The following MLYCD variants were observed in gnomAD, a reference collection of about 807,000 sequenced individuals.
The protein encoded by MLYCD is malonyl-CoA decarboxylase, also known as malonyl-CoA decarboxylase, mitochondrial.
In MLYCD, 27 loss-of-function variants were observed where a neutral mutation model predicts 35.8. That is an observed-to-expected ratio of 0.75 (90% CI 0.56 to 1.04). MLYCD has a LOEUF of 1.04. Among genes scored for constraint, MLYCD ranks in the 50% least tolerant of loss-of-function variants. The pLI is 0.00. For synonymous variants in MLYCD, 403 were observed against 302.4 expected (o/e 1.33, Z -3.45); for missense variants, 917 against 665.1 (o/e 1.38, Z -4.17).
At chr16:83,913,021 A>T (rs1353206313) in intron 4 of MLYCD, 1 of 163,348 alleles carries the variant, frequency 6.1e-6, no homozygotes, top group East Asian at 1.7e-4. Context: ...ATAAATTCCA[A>T]TGAGTAGAAT....
intron 1 of MLYCD, among the ~76,000 whole-genome samples, chr16:83,904,191 A>G (rs28627678): frequency 0.2 from 30,499 of 152,050 alleles, 3,417 homozygotes; most frequent in African/African-American, 0.3. Flanking sequence ...AGCTTTTTTC[A>G]TATCACGAAT....
At position 83,915,954 on chromosome 16, in the gene MLYCD, A is replaced by G. The variant is rs1394085366; in HGVS notation, c.*465A>G. On this transcript the variant is annotated 3_prime_UTR_variant, in exon 5 of 5. Transcript: ENST00000262430. Reference sequence around the variant, plus strand: ...TGCTTTAGCCGTTTCTCACCATGCAATGCAGAGGGACAAAGGGCTGTGCTA... The same window carrying G: ...TGCTTTAGCCGTTTCTCACCATGCAGTGCAGAGGGACAAAGGGCTGTGCTA... The G allele has an allele frequency of 6.6e-6, 7 of 1,059,222 alleles. No homozygotes were observed. The Admixed American group carries it at 2.9e-4, about 44-fold the overall frequency. 65.6% of individuals were successfully genotyped at this position (1,059,222 alleles called of 1,614,324 possible).
Position 83,919,116 on chromosome 16 carries a change from A to T in MLYCD, c.*3627A>T, listed in dbSNP as rs1247172746. 1 of 150,490 alleles carries T rather than the reference A, an allele frequency of 6.6e-6. No homozygotes were observed. The highest frequency in any genetic ancestry group is 2.5e-5 in the African/African-American group (1 of 40,544). The allele number at this position is 150,490 out of a possible 1,614,324, so 9.3% of individuals were successfully genotyped here. ...CACACAGTGCACAGAACACAGACAC[A>T]GTGCACAGGAGAACACACAGTGCAC... On this transcript the variant is annotated 3_prime_UTR_variant, in exon 5 of 5. Transcript: ENST00000262430.
Position 83,915,320 on chromosome 16 carries a change from A to T in MLYCD, c.1313A>T (p.Asp438Val). 1 of 1,613,890 alleles carries T rather than the reference A, an allele frequency of 6.2e-7. No individual in the cohort carries two copies. The highest frequency in any genetic ancestry group is 1.1e-5 in the South Asian group (1 of 91,080). The change falls in exon 5 of 5, where the codon GAT (aspartate) becomes GTT (valine). Residue 438 changes from aspartate (D) to valine (V), a missense_variant. Physicochemically the swap from Asp to Val is radical, Grantham distance 152. Coordinates refer to ENST00000262430, the MANE Select transcript of MLYCD (RefSeq NM_012213.3). ...AVLWRINWMA[D>V]VSLRGITGSC... ...CTGTGGCGCATCAACTGGATGGCGG[A>T]TGTGAGCCTCAGAGGCATCACCGGC... is the stretch of plus-strand genomic sequence containing the variant.
intron 1 of MLYCD, among the ~76,000 whole-genome samples, chr16:83,904,195 C>A (rs1001942643): frequency 6.6e-6 from 1 of 150,470 alleles, no homozygotes; most frequent in Non-Finnish European, 1.5e-5. Context: ...TTTTTCATAT[C>A]ACGAATGTAA....
At chr16:83,913,419 CA>C (rs1907252810) in intron 4 of MLYCD, 1 of 152,552 alleles carries the variant, frequency 6.6e-6, no homozygotes, top group Admixed American at 6.5e-5. Flanking sequence ...CTTAGCCCAG[CA>C]GCTGTCCTGA....
At position 83,915,988 on chromosome 16, in the gene MLYCD, A is replaced by G. The variant is rs763175756; in HGVS notation, c.*499A>G. ...GACAAAGGGCTGTGCTACACTTCCC[A>G]GTTACATTCTGAAGCTCATAAATGT... On this transcript the variant is annotated 3_prime_UTR_variant, in exon 5 of 5. Coordinates refer to ENST00000262430, the MANE Select transcript of MLYCD (RefSeq NM_012213.3). The G allele has an allele frequency of 1.8e-5, 18 of 1,013,644 alleles. No individual in the cohort carries two copies. Among genetic ancestry groups the G allele is most frequent in the Non-Finnish European group, 2.1e-5 (18 of 845,280 alleles). 62.8% of individuals were successfully genotyped at this position (1,013,644 alleles called of 1,614,324 possible). A position where few individuals can be genotyped will look rare whatever the true frequency, so the allele number is the denominator to read the frequency against.
intron 2 of MLYCD, among the ~76,000 whole-genome samples, chr16:83,907,877 T>G (rs1907037331): frequency 6.6e-6 from 1 of 152,156 alleles, no homozygotes; most frequent in African/African-American, 2.4e-5. Context: ...CCCCGGAGCC[T>G]CACAAACTCC....
At chr16:83,904,439 G>A (rs1330420299) in intron 1 of MLYCD, among the ~76,000 whole-genome samples, 1 of 152,194 alleles carries the variant, frequency 6.6e-6, no homozygotes, top group Non-Finnish European at 1.5e-5. Flanking sequence ...AATTGCTATA[G>A]TCAAATGCAG....
intron 4 of MLYCD, 91 bp from the exon 5 acceptor site, chr16:83,914,865 C>G: frequency 6.5e-7 from 1 of 1,549,086 alleles, no homozygotes; most frequent in Non-Finnish European, 8.9e-7. Flanking sequence ...AGCATGTGAG[C>G]CGTAGGTTAA....
intron 4 of MLYCD, chr16:83,913,294 C>T (rs1907246729): frequency 6.6e-6 from 1 of 152,270 alleles, no homozygotes; most frequent in African/African-American, 2.4e-5. Context: ...CCACAGTTTC[C>T]TCATTCCTCT....
At chr16:83,908,374 CCT>C in intron 3 of MLYCD, 92 bp downstream of exon 3, 1 of 1,407,056 alleles carries the variant, frequency 7.1e-7, no homozygotes, top group Non-Finnish European at 9.5e-7. Context: ...ATTTTATCCT[CCT>C]TTTTTTTTTT....
chr16:83,912,500 A>T (rs1907216732), intron 4 of MLYCD, 133 bp downstream of exon 4: 2 of 1,259,224 alleles, frequency 1.6e-6, no homozygotes, highest in Admixed American at 2.0e-5. Flanking sequence ...GGGGTAGAAA[A>T]GGTGCCAGAG....
Position 83,918,757 on chromosome 16 carries a change from G to GCACACAGTGCACAGAGAAC in MLYCD, c.*3283_*3301dup, listed in dbSNP as rs1296207490. 2 of 132,488 alleles carry GCACACAGTGCACAGAGAAC rather than the reference G, an allele frequency of 1.5e-5. No homozygotes were observed. Among genetic ancestry groups the GCACACAGTGCACAGAGAAC allele is most frequent in the African/African-American group, 2.9e-5 (1 of 34,934 alleles). 8.2% of individuals were successfully genotyped at this position (132,488 alleles called of 1,614,324 possible). A position where few individuals can be genotyped will look rare whatever the true frequency, so the allele number is the denominator to read the frequency against. On this transcript the variant is annotated 3_prime_UTR_variant, in exon 5 of 5. Coordinates refer to ENST00000262430, the MANE Select transcript of MLYCD (RefSeq NM_012213.3). ...CAGAACACAGTGCACAGGAGAACAC[G>GCACACAGTGCACAGAGAAC]CACACAGTGCACAGAGAACCACACA...
Position 83,916,901 on chromosome 16 carries a change from G to C in MLYCD, c.*1412G>C, listed in dbSNP as rs1597296917. On this transcript the variant is annotated 3_prime_UTR_variant, in exon 5 of 5. Transcript: ENST00000262430. ...TCTGTGTGGATCAGTGCACGTCTGT[G>C]TGCGTGTGCACGAGCGTCTCTGTGT... The C allele has an allele frequency of 7.0e-6, 1 of 142,694 alleles. No individual in the cohort carries two copies. The highest frequency in any genetic ancestry group is 2.6e-5 in the African/African-American group (1 of 38,184). The allele number at this position is 142,694 out of a possible 1,614,324, so 8.8% of individuals were successfully genotyped here.
rs1351616410 is a variant in MLYCD, at chr16:83,924,975, C to T, written c.*9486C>T. ...CGGCTTCCGGGAGTCCCCTCCTTCT[C>T]TAAGGATCTCACCCCCATCCGTGTC... On this transcript the variant is annotated 3_prime_UTR_variant, in exon 5 of 5. Coordinates refer to ENST00000262430, the MANE Select transcript of MLYCD (RefSeq NM_012213.3). 1 of 152,368 alleles carries T rather than the reference C, an allele frequency of 6.6e-6. No individual in the cohort carries two copies. Among genetic ancestry groups the T allele is most frequent in the East Asian group, 1.9e-4 (1 of 5,202 alleles). 9.4% of individuals were successfully genotyped at this position (152,368 alleles called of 1,614,324 possible). A position where few individuals can be genotyped will look rare whatever the true frequency, so the allele number is the denominator to read the frequency against.
intron 1 of MLYCD, among the ~76,000 whole-genome samples, chr16:83,903,343 T>A (rs1260374122): frequency 6.6e-6 from 1 of 152,188 alleles, no homozygotes; most frequent in African/African-American, 2.4e-5. Flanking sequence ...TGCTTACCTA[T>A]GCTAAATAAT....
rs1907500463 is a variant in MLYCD, at chr16:83,918,266, A to G, written c.*2777A>G. ...GGTAGGCCTCGCCGCAGGAGAACAC[A>G]TACATGGTGCACAGAACACACACAG... On this transcript the variant is annotated 3_prime_UTR_variant, in exon 5 of 5. Coordinates refer to ENST00000262430, the MANE Select transcript of MLYCD (RefSeq NM_012213.3). The G allele has an allele frequency of 6.6e-6, 1 of 152,256 alleles. No individual in the cohort carries two copies. The highest frequency in any genetic ancestry group is 1.5e-5 in the Non-Finnish European group (1 of 68,058). The allele number at this position is 152,256 out of a possible 1,614,324, so 9.4% of individuals were successfully genotyped here. A position where few individuals can be genotyped will look rare whatever the true frequency, so the allele number is the denominator to read the frequency against.
intron 1 of MLYCD, among the ~76,000 whole-genome samples, chr16:83,903,172 C>G (rs1294844966): frequency 6.6e-6 from 1 of 152,030 alleles, no homozygotes; most frequent in Non-Finnish European, 1.5e-5. Context: ...TTGGACCTTG[C>G]TGTTAGGGTG....
Sources: allele counts gnomAD v4.1 joint callset (sites outside exome capture counted in the v4.1 genomes callset), GRCh38; gene constraint gnomAD v4.1.1; transcripts MANE v1.5; gene names NCBI Gene and HGNC (gene_info 2026-07-23, HGNC 2026-07-21).